TNR: variants seen among roughly 807,000 people sequenced by gnomAD.
The protein encoded by TNR is tenascin R, also known as tenascin-R.
TNR carries 45 observed loss-of-function variants against 150.4 expected under a neutral mutation model. That is an observed-to-expected ratio of 0.30 (90% confidence interval 0.24 to 0.38). TNR has a LOEUF of 0.38. Among genes scored for constraint, TNR ranks in the 10% least tolerant of loss-of-function variants. The pLI is 1.00. For synonymous variants in TNR, 687 were observed against 678.4 expected (o/e 1.01, Z -0.20); for missense variants, 1,544 against 1,759.1 (o/e 0.88, Z 2.19).
chr1:175,395,539 A>G (rs1156923190), intron 5 of TNR, among the ~76,000 whole-genome samples: 2 of 152,106 alleles, frequency 1.3e-5, no homozygotes, highest in African/African-American at 4.8e-5. Context: ...CTCTTCCCAG[A>G]TTTTAATCAG....
intron 21 of TNR, 112 bp from the exon 22 acceptor site, chr1:175,324,631 C>T: frequency 8.0e-7 from 1 of 1,252,368 alleles, no homozygotes; most frequent in East Asian, 2.3e-5. Flanking sequence ...GGAACCTTTT[C>T]ATTTCCACCC....
intron 3 of TNR, 41 bp downstream of exon 3, chr1:175,406,175 C>T: frequency 6.3e-7 from 1 of 1,591,544 alleles, no homozygotes; most frequent in Non-Finnish European, 8.6e-7. Context: ...CAGCCCTCTC[C>T]TTCCCCTCCT....
intron 2 of TNR, among the ~76,000 whole-genome samples, chr1:175,519,448 G>A (rs1333614984): frequency 6.6e-6 from 1 of 152,184 alleles, no homozygotes; most frequent in Non-Finnish European, 1.5e-5. Flanking sequence ...GACCAAAAAT[G>A]CATCACCATG....
At chr1:175,546,066 C>T (rs1400943704) in intron 1 of TNR, among the ~76,000 whole-genome samples, 1 of 152,192 alleles carries the variant, frequency 6.6e-6, no homozygotes, top group Admixed American at 6.5e-5. Flanking sequence ...CCCTCAGCCC[C>T]TTTCAGCCAG....
chr1:175,360,034 T>C (rs1651521274), intron 14 of TNR, among the ~76,000 whole-genome samples: 1 of 152,224 alleles, frequency 6.6e-6, no homozygotes, highest in Non-Finnish European at 1.5e-5. Flanking sequence ...TTTCAAGATA[T>C]GGCTGGAATG....
intron 1 of TNR, among the ~76,000 whole-genome samples, chr1:175,594,543 T>C (rs1336290686): frequency 1.3e-5 from 2 of 152,186 alleles, no homozygotes; most frequent in East Asian, 3.8e-4. Flanking sequence ...AATATTAATC[T>C]TTCAAGTGAG....
At chr1:175,578,184 T>A (rs985568312) in intron 1 of TNR, among the ~76,000 whole-genome samples, 2 of 151,932 alleles carry the variant, frequency 1.3e-5, no homozygotes, top group Non-Finnish European at 2.9e-5. Flanking sequence ...GTTCCACTTG[T>A]CAAATGTGGA....
At chr1:175,605,591 G>A (rs1663380574) in intron 1 of TNR, among the ~76,000 whole-genome samples, 1 of 152,212 alleles carries the variant, frequency 6.6e-6, no homozygotes, top group Non-Finnish European at 1.5e-5. Context: ...ATGCTAGGAT[G>A]AAGGAAGCAC....
rs183867724 is a variant in TNR at position 175,667,864 on chromosome 1, A to G, written c.-165+75362T>C. On this transcript the variant is annotated intron_variant, in intron 1 of 22. Coordinates refer to ENST00000367674, the MANE Select transcript of TNR (RefSeq NM_003285.3). ...CCCAGCTGGTGGGAATGGAAAGACA[A>G]GTTGGAGGAACTCAGGCAGAAAGCA... Among the ~76,000 whole-genome samples, 118 of 152,288 alleles carry G rather than the reference A, an allele frequency of 7.7e-4. 1 individual carries two copies. Among genetic ancestry groups the G allele is most frequent in the Non-Finnish European group, 1.4e-3 (96 of 68,016 alleles).
chr1:175,645,241 T>C (rs1009177803), intron 1 of TNR, among the ~76,000 whole-genome samples: 18 of 152,150 alleles, frequency 1.2e-4, no homozygotes, highest in African/African-American at 4.3e-4. Flanking sequence ...ATAAAACACA[T>C]ATATACATTA....
intron 14 of TNR, among the ~76,000 whole-genome samples, chr1:175,360,512 A>G (rs1399893989): frequency 6.6e-6 from 1 of 152,174 alleles, no homozygotes; most frequent in Non-Finnish European, 1.5e-5. Flanking sequence ...TTGCTTTATT[A>G]CTGTGCTTCT....
intron 1 of TNR, among the ~76,000 whole-genome samples, chr1:175,692,608 C>T (rs941950396): frequency 6.6e-6 from 1 of 152,148 alleles, no homozygotes; most frequent in African/African-American, 2.4e-5. Flanking sequence ...AAAGATCAGT[C>T]TCACTGAGGG....
At chr1:175,581,652 C>A (rs1391115394) in intron 1 of TNR, among the ~76,000 whole-genome samples, 1 of 152,108 alleles carries the variant, frequency 6.6e-6, no homozygotes. Flanking sequence ...TACAATGAAG[C>A]TTTGGAATCT....
At chr1:175,624,742 G>C (rs1000754330) in intron 1 of TNR, among the ~76,000 whole-genome samples, 1 of 152,136 alleles carries the variant, frequency 6.6e-6, no homozygotes, top group Non-Finnish European at 1.5e-5. Flanking sequence ...TGTAGCCCTG[G>C]GAAACTCATA....
chr1:175,530,955 G>A (rs1035518435), intron 1 of TNR, among the ~76,000 whole-genome samples: 1 of 152,160 alleles, frequency 6.6e-6, no homozygotes, highest in Admixed American at 6.5e-5. Flanking sequence ...CCCATGCCAG[G>A]CACCAGGAAT....
intron 1 of TNR, among the ~76,000 whole-genome samples, chr1:175,705,527 A>G (rs1571772050): frequency 6.6e-6 from 1 of 152,166 alleles, no homozygotes; most frequent in East Asian, 1.9e-4. Flanking sequence ...TCAAAGCAGC[A>G]TAAGACAAAA....
intron 2 of TNR, among the ~76,000 whole-genome samples, chr1:175,453,160 C>T (rs554385689): frequency 4.0e-4 from 61 of 152,166 alleles, no homozygotes; most frequent in Non-Finnish European, 6.5e-4. Flanking sequence ...CAAAGACAAC[C>T]CTGCCTTCTG....
intron 1 of TNR, among the ~76,000 whole-genome samples, chr1:175,542,968 A>G (rs1660560643): frequency 6.6e-6 from 1 of 152,218 alleles, no homozygotes; most frequent in African/African-American, 2.4e-5. Context: ...GCTCAGGGCC[A>G]GATTCATGGG....
intron 5 of TNR, among the ~76,000 whole-genome samples, chr1:175,394,305 A>T (rs1335235618): frequency 6.6e-6 from 1 of 152,194 alleles, no homozygotes; most frequent in Non-Finnish European, 1.5e-5. Context: ...AGGTACTATG[A>T]TGGCTTCTAT....
Sources: allele counts gnomAD v4.1 joint callset (sites outside exome capture counted in the v4.1 genomes callset), GRCh38; gene constraint gnomAD v4.1.1; transcripts MANE v1.5; gene names NCBI Gene and HGNC (gene_info 2026-07-23, HGNC 2026-07-21).